NFIA: variants seen among roughly 807,000 people sequenced by gnomAD.
NFIA encodes the protein nuclear factor I A, also known as nuclear factor 1 A-type.
In NFIA, 8 loss-of-function variants were observed where a neutral mutation model predicts 62.8. The ratio of observed to expected loss-of-function variants is 0.13; its 90% CI spans 0.07 to 0.23. NFIA has a LOEUF of 0.23. Among genes scored for constraint, NFIA ranks in the 10% least tolerant of loss-of-function variants. The pLI is 1.00. For missense variants in NFIA, 410 were observed against 642.1 expected (o/e 0.64, Z 3.91); for synonymous variants, 235 against 238.1 (o/e 0.99, Z 0.12).
chr1:61,382,204 C>T (rs1385392850), intron 6 of NFIA, among the ~76,000 whole-genome samples: 3 of 152,100 alleles, frequency 2.0e-5, no homozygotes, highest in South Asian at 2.1e-4. Context: ...AATTGGCACC[C>T]TATCAAACTG....
At chr1:61,262,112 A>G (rs961801577) in intron 2 of NFIA, among the ~76,000 whole-genome samples, 10 of 152,162 alleles carry the variant, frequency 6.6e-5, no homozygotes, top group Admixed American at 5.9e-4. Flanking sequence ...ATGTTGTTCT[A>G]TACTCTCTCT....
intron 2 of NFIA, among the ~76,000 whole-genome samples, chr1:61,253,199 A>G (rs752536909): frequency 6.6e-6 from 1 of 152,206 alleles, no homozygotes; most frequent in Non-Finnish European, 1.5e-5. Flanking sequence ...AATAGAGAAC[A>G]TAAGCAGATG....
chr1:61,362,616 TCC>T (rs1663358016), intron 6 of NFIA, among the ~76,000 whole-genome samples: 1 of 152,222 alleles, frequency 6.6e-6, no homozygotes, highest in Non-Finnish European at 1.5e-5. Context: ...TTTTGTAGTA[TCC>T]TGTTCCCCAT....
intron 2 of NFIA, among the ~76,000 whole-genome samples, chr1:61,175,023 T>TCC (rs1650230892): frequency 6.6e-6 from 1 of 150,654 alleles, no homozygotes; most frequent in Non-Finnish European, 1.5e-5. Flanking sequence ...GTATAGGATT[T>TCC]AAAAAAAAAC....
chr1:61,462,022 G>GT lies in NFIA; in HGVS notation c.*6702_*6703insT, dbSNP rs1668550789. 1 of 107,136 alleles carries GT rather than the reference G, an allele frequency of 9.3e-6. No homozygotes were observed. The highest frequency in any genetic ancestry group is 4.0e-5 in the African/African-American group (1 of 24,704). 6.6% of individuals were successfully genotyped at this position (107,136 alleles called of 1,614,324 possible). On this transcript the variant is annotated 3_prime_UTR_variant, in exon 11 of 11. Coordinates refer to ENST00000403491, the MANE Select transcript of NFIA (RefSeq NM_001134673.4). ...TAATAGTCTGTAAGTTAGCCTTTTT[G>GT]GGTTTTTTTTTTTTTTTTTTGGCTT...
chr1:61,104,484 C>A (rs1256919871), intron 2 of NFIA, among the ~76,000 whole-genome samples: 1 of 152,036 alleles, frequency 6.6e-6, no homozygotes, highest in African/African-American at 2.4e-5. Context: ...CGGAAATGCA[C>A]CCACATATGT....
intron 3 of NFIA, among the ~76,000 whole-genome samples, chr1:61,278,104 A>G (rs1465150034): frequency 6.6e-6 from 1 of 152,206 alleles, no homozygotes; most frequent in Non-Finnish European, 1.5e-5. Context: ...AATTGTCTAA[A>G]ATAAAATAGT....
At chr1:61,177,975 A>T (rs979390071) in intron 2 of NFIA, among the ~76,000 whole-genome samples, 1 of 152,104 alleles carries the variant, frequency 6.6e-6, no homozygotes, top group South Asian at 2.1e-4. Context: ...GGCACCATTC[A>T]TCTCCCTTCG....
At chr1:61,077,430 C>A (rs1646045835), upstream of NFIA, 2 of 420,310 alleles carry the variant, frequency 4.8e-6, no homozygotes, top group South Asian at 9.2e-5. Context: ...ATTGCAAAAG[C>A]CTTCTGATTT....
chr1:61,265,325 C>T (rs1657090565), intron 2 of NFIA, among the ~76,000 whole-genome samples: 1 of 152,130 alleles, frequency 6.6e-6, no homozygotes, highest in Admixed American at 6.5e-5. Flanking sequence ...CTGCATATGT[C>T]AGGGAGAAAG....
chr1:61,173,894 A>T (rs1650148082), intron 2 of NFIA, among the ~76,000 whole-genome samples: 1 of 152,134 alleles, frequency 6.6e-6, no homozygotes, highest in Non-Finnish European at 1.5e-5. Context: ...GGTACCTAAG[A>T]GAATTAAGTG....
intron 3 of NFIA, among the ~76,000 whole-genome samples, chr1:61,327,536 CTTCACT>C (rs1019250427): frequency 1.3e-5 from 2 of 152,100 alleles, no homozygotes; most frequent in African/African-American, 4.8e-5. Context: ...TCCTGAGTTA[CTTCACT>C]TAGAATAATG....
At chr1:61,303,256 T>C (rs1659583565) in intron 3 of NFIA, among the ~76,000 whole-genome samples, 1 of 152,214 alleles carries the variant, frequency 6.6e-6, no homozygotes, top group South Asian at 2.1e-4. Flanking sequence ...AATGAGCCCA[T>C]ACTTTATTCC....
At chr1:61,202,918 AT>A (rs1168916394) in intron 2 of NFIA, among the ~76,000 whole-genome samples, 1 of 152,240 alleles carries the variant, frequency 6.6e-6, no homozygotes, top group Non-Finnish European at 1.5e-5. Flanking sequence ...AAATCACGTC[AT>A]TCTGAAAATC....
intron 7 of NFIA, among the ~76,000 whole-genome samples, chr1:61,397,748 A>G (rs1354234587): frequency 3.9e-5 from 6 of 152,188 alleles, no homozygotes. Context: ...TTAGAATTTA[A>G]ACTCATGTCT....
intron 2 of NFIA, among the ~76,000 whole-genome samples, chr1:61,236,079 G>A (rs765655297): frequency 6.6e-6 from 1 of 151,390 alleles, no homozygotes; most frequent in Admixed American, 6.6e-5. Flanking sequence ...TTCAGAACAC[G>A]TTAAAAACAG....
At chr1:61,202,538 A>AGGTC (rs1272203081) in intron 2 of NFIA, among the ~76,000 whole-genome samples, 1 of 152,222 alleles carries the variant, frequency 6.6e-6, no homozygotes, top group Non-Finnish European at 1.5e-5. Context: ...GATACATACC[A>AGGTC]GGTCTATAGA....
chr1:61,164,001 A>C (rs1338018810), intron 2 of NFIA, among the ~76,000 whole-genome samples: 1 of 152,188 alleles, frequency 6.6e-6, no homozygotes, highest in Admixed American at 6.5e-5. Context: ...TTTTACATGA[A>C]TCATAGGATG....
At chr1:61,352,630 C>G in intron 5 of NFIA, 63 bp downstream of exon 5, 1 of 1,257,806 alleles carries the variant, frequency 8.0e-7, no homozygotes, top group Non-Finnish European at 1.2e-6. Context: ...GATTTTAACT[C>G]TGGGCCCACT....
Sources: allele counts gnomAD v4.1 joint callset (sites outside exome capture counted in the v4.1 genomes callset), GRCh38; gene constraint gnomAD v4.1.1; transcripts MANE v1.5; gene names NCBI Gene and HGNC (gene_info 2026-07-23, HGNC 2026-07-21).